The following MRRF variants were observed in gnomAD, a reference collection of about 807,000 sequenced individuals.
The protein encoded by MRRF is ribosome-recycling factor, mitochondrial.
A neutral mutation model predicts 25.1 loss-of-function variants in MRRF; 18 were observed. That is an observed-to-expected ratio of 0.72 (90% CI 0.50 to 1.06). The LOEUF is 1.06. MRRF is among the 50% of genes least tolerant of loss of function. The pLI is 0.00. For missense variants in MRRF, 323 were observed against 319.3 expected (o/e 1.01, Z -0.09); for synonymous variants, 113 against 112.1 (o/e 1.01, Z -0.05).
chr9:122,321,641 G>A (rs1482043422), intron 6 of MRRF, among the ~76,000 whole-genome samples: 2 of 152,040 alleles, frequency 1.3e-5, no homozygotes, highest in Non-Finnish European at 2.9e-5. Context: ...AAAAACCACA[G>A]CATCAAATTT....
rs1836157192 is a variant in MRRF, at chr9:122,326,849, A to G, written c.*4232A>G. On this transcript the variant is annotated 3_prime_UTR_variant, in exon 7 of 7. Coordinates refer to ENST00000344641, the MANE Select transcript of MRRF (RefSeq NM_138777.5). The stretch of plus-strand genomic sequence containing the variant: ...TTATGATTATCTGTGTTTTTCTGTG[A>G]AAAAAACAGGTTCAGAAAGGATATT... 1 of 152,074 alleles carries G rather than the reference A, an allele frequency of 6.6e-6. No individual in the cohort carries two copies. The highest frequency in any genetic ancestry group is 1.5e-5 in the Non-Finnish European group (1 of 68,002). The allele number at this position is 152,074 out of a possible 1,614,324, so 9.4% of individuals were successfully genotyped here. A position where few individuals can be genotyped will look rare whatever the true frequency, so the allele number is the denominator to read the frequency against.
At chr9:122,297,826 T>C (rs1260588670) in intron 5 of MRRF, among the ~76,000 whole-genome samples, 1 of 152,146 alleles carries the variant, frequency 6.6e-6, no homozygotes, top group African/African-American at 2.4e-5. Flanking sequence ...CAGAAAACCA[T>C]CTGCAACACA....
chr9:122,295,729 A>T (rs1487663014), intron 5 of MRRF, among the ~76,000 whole-genome samples: 1 of 152,150 alleles, frequency 6.6e-6, no homozygotes, highest in Non-Finnish European at 1.5e-5. Flanking sequence ...TACAGTTGTA[A>T]GCCACTGCGC....
chr9:122,319,770 T>G (rs1564517131), intron 6 of MRRF, among the ~76,000 whole-genome samples: 1 of 152,214 alleles, frequency 6.6e-6, no homozygotes, highest in Non-Finnish European at 1.5e-5. Flanking sequence ...AATCATTATT[T>G]TAAGACGTCT....
chr9:122,297,223 C>T (rs1354862115), intron 5 of MRRF, among the ~76,000 whole-genome samples: 1 of 152,080 alleles, frequency 6.6e-6, no homozygotes. Context: ...TGAGGTGAAT[C>T]GCTTGAACCC....
chr9:122,279,943 T>C (rs947353466), intron 2 of MRRF, among the ~76,000 whole-genome samples: 4 of 152,228 alleles, frequency 2.6e-5, no homozygotes, highest in Non-Finnish European at 5.9e-5. Context: ...AACCAGATCT[T>C]GACTTTTCCA....
At chr9:122,301,900 AT>A (rs563268615) in intron 5 of MRRF, among the ~76,000 whole-genome samples, 470 of 140,828 alleles carry the variant, frequency 3.3e-3, no homozygotes, top group African/African-American at 3.2e-3. Flanking sequence ...CACCCGGCTA[AT>A]TTTTTTTTTT....
chr9:122,265,297 T>C (rs1831994739), intron 1 of MRRF, among the ~76,000 whole-genome samples: 1 of 152,134 alleles, frequency 6.6e-6, no homozygotes, highest in East Asian at 1.9e-4. Context: ...GGTCACGCGG[T>C]CAGAAAGTGA....
intron 1 of MRRF, among the ~76,000 whole-genome samples, chr9:122,268,360 G>C (rs1249166500): frequency 6.6e-6 from 1 of 152,182 alleles, no homozygotes; most frequent in African/African-American, 2.4e-5. Context: ...AGGAATACCA[G>C]GAAACCTGTC....
intron 5 of MRRF, among the ~76,000 whole-genome samples, chr9:122,307,046 G>A (rs553684669): frequency 6.6e-6 from 1 of 152,290 alleles, no homozygotes; most frequent in South Asian, 2.1e-4. Flanking sequence ...ATTAATGTAC[G>A]TAAAACAGGC....
chr9:122,305,743 C>CT lies in MRRF; in HGVS notation c.552-7481dup, dbSNP rs569392759. Among the ~76,000 whole-genome samples, 89 of 152,308 alleles carry CT rather than the reference C, an allele frequency of 5.8e-4. 1 individual carries two copies. Among genetic ancestry groups the CT allele is most frequent in the African/African-American group, 2.1e-3 (88 of 41,564 alleles). On this transcript the variant is annotated intron_variant, in intron 5 of 6. Coordinates refer to ENST00000344641, the MANE Select transcript of MRRF (RefSeq NM_138777.5). Reference sequence around the variant, plus strand: ...TATTTTCTTCATACACTTTGTGTCACTTTATCTACTTAATTGTTTACTGTG... The same window carrying CT: ...TATTTTCTTCATACACTTTGTGTCACTTTTATCTACTTAATTGTTTACTGTG...
chr9:122,278,398 A>G (rs1273740043), intron 2 of MRRF, among the ~76,000 whole-genome samples: 1 of 152,046 alleles, frequency 6.6e-6, no homozygotes, highest in East Asian at 1.9e-4. Flanking sequence ...GCAGATAACT[A>G]TTATTCTGAC....
At chr9:122,272,186 A>G (rs907134190) in intron 2 of MRRF, among the ~76,000 whole-genome samples, 5 of 152,222 alleles carry the variant, frequency 3.3e-5, no homozygotes, top group Non-Finnish European at 7.3e-5. Context: ...TTATAAACGA[A>G]GAAACTGAGA....
At chr9:122,303,095 T>C (rs1173808948) in intron 5 of MRRF, among the ~76,000 whole-genome samples, 1 of 152,140 alleles carries the variant, frequency 6.6e-6, no homozygotes, top group East Asian at 1.9e-4. Context: ...GATATTAGAC[T>C]CTTATCAGAT....
chr9:122,272,197 T>C (rs748528674), intron 2 of MRRF, among the ~76,000 whole-genome samples: 2 of 152,232 alleles, frequency 1.3e-5, no homozygotes, highest in Admixed American at 6.5e-5. Flanking sequence ...GAAACTGAGA[T>C]AGTTTGTGAG....
At chr9:122,295,637 G>C (rs763254185) in intron 5 of MRRF, among the ~76,000 whole-genome samples, 3 of 152,064 alleles carry the variant, frequency 2.0e-5, no homozygotes, top group African/African-American at 4.8e-5. Flanking sequence ...GTAGAGACGG[G>C]ATTTCACCAT....
chr9:122,315,734 C>T (rs575735834), intron 6 of MRRF, among the ~76,000 whole-genome samples: 1 of 152,166 alleles, frequency 6.6e-6, no homozygotes, highest in Admixed American at 6.5e-5. Context: ...ACTGCTTTCC[C>T]TTGTCATTGC....
rs145875382 is a variant in MRRF at position 122,292,266 on chromosome 9, A to G, written c.551+426A>G. Among the ~76,000 whole-genome samples, 577 of 152,302 alleles carry G rather than the reference A, an allele frequency of 3.8e-3. 5 individuals are homozygous for G. Among genetic ancestry groups the G allele is most frequent in the African/African-American group, 0.013 (555 of 41,560 alleles). ...TTTGCTAAGAGCTAAATGATGAGAA[A>G]GAACCAGCCTAGGGGAGAGCATTTT... On this transcript the variant is annotated intron_variant, in intron 5 of 6. Coordinates refer to ENST00000344641, the MANE Select transcript of MRRF (RefSeq NM_138777.5).
At chr9:122,286,212 T>C in intron 4 of MRRF, 1 of 1,287,040 alleles carries the variant, frequency 7.8e-7, no homozygotes, top group Non-Finnish European at 1.0e-6. Flanking sequence ...GTAGTTGTAT[T>C]CCAAAGTCAT....
Sources: gnomAD v4.1 joint callset for allele counts (sites outside exome capture counted in the v4.1 genomes callset) on GRCh38, gnomAD v4.1.1 for gene constraint, MANE v1.5 for transcripts, NCBI Gene and HGNC (gene_info 2026-07-23, HGNC 2026-07-21) for gene names.